Variants in ZBBX observed in about 807,000 individuals in gnomAD.
ZBBX encodes the protein zinc finger B-box domain containing.
Under a neutral mutation model 108.5 loss-of-function variants are expected in ZBBX, and 101 were observed. The ratio of observed to expected loss-of-function variants is 0.93; its 90% CI spans 0.79 to 1.10. ZBBX has a LOEUF of 1.10. Among genes scored for constraint, ZBBX ranks in the 50% least tolerant of loss-of-function variants. ZBBX has a pLI of 0.00. For synonymous variants in ZBBX, 356 were observed against 323.4 expected (o/e 1.10, Z -1.08); for missense variants, 1,009 against 941.4 (o/e 1.07, Z -0.94).
At chr3:167,338,541 C>CAAA (rs11438860) in intron 9 of ZBBX, among the ~76,000 whole-genome samples, 4 of 148,378 alleles carry the variant, frequency 2.7e-5, no homozygotes, top group African/African-American at 4.9e-5. Flanking sequence ...AGTTCCAGAT[C>CAAA]AAAAAAAAAA....
At chr3:167,293,780 T>C (rs910426759) in intron 18 of ZBBX, among the ~76,000 whole-genome samples, 13 of 152,072 alleles carry the variant, frequency 8.5e-5, no homozygotes, top group African/African-American at 2.7e-4. Context: ...ATGACATGAT[T>C]GTATATTTAG....
chr3:167,305,894 CAGA>C lies in ZBBX; in HGVS notation c.1471_1473del (p.Ser491del). On this transcript the variant is annotated inframe_deletion, in exon 17 of 22. Coordinates refer to ENST00000675490, the MANE Select transcript of ZBBX (RefSeq NM_001199201.2). The stretch of plus-strand genomic sequence containing the variant: ...GTGCTTTCCTCAATTTTTTCAATGT[CAGA>C]AGAATACACATCAGGATCCACGATG... The C allele has an allele frequency of 1.2e-6, 2 of 1,606,044 alleles. No individual in the cohort carries two copies. The highest frequency in any genetic ancestry group is 1.7e-6 in the Non-Finnish European group (2 of 1,177,058).
intron 17 of ZBBX, among the ~76,000 whole-genome samples, chr3:167,299,870 G>T (rs1460610248): frequency 6.6e-6 from 1 of 152,188 alleles, no homozygotes; most frequent in Non-Finnish European, 1.5e-5. Flanking sequence ...TTCAGAAGCA[G>T]GAACTCAGTC....
intron 17 of ZBBX, among the ~76,000 whole-genome samples, chr3:167,300,953 ACTTGTGCAGGT>A (rs1175621400): frequency 6.9e-6 from 1 of 145,328 alleles, no homozygotes; most frequent in Non-Finnish European, 1.5e-5. Context: ...GTTCAGGAGT[ACTTGTGCAGGT>A]CTGTTACATA....
chr3:167,401,424 A>T (rs369548243), intron 1 of ZBBX: 43 of 152,292 alleles, frequency 2.8e-4, no homozygotes, highest in African/African-American at 9.9e-4. Flanking sequence ...GTAAAGTGAA[A>T]GCAAGTTCAT....
chr3:167,276,091 A>G (rs1727524947), intron 20 of ZBBX, among the ~76,000 whole-genome samples: 1 of 152,188 alleles, frequency 6.6e-6, no homozygotes, highest in Non-Finnish European at 1.5e-5. Context: ...AGGAAAACTA[A>G]CAAACAGAAA....
intron 19 of ZBBX, among the ~76,000 whole-genome samples, chr3:167,285,730 C>G (rs1397462815): frequency 6.6e-6 from 1 of 152,092 alleles, no homozygotes; most frequent in East Asian, 1.9e-4. Context: ...CCCTCTAAAA[C>G]TGCCAGGCAC....
rs1553798091 is a variant in ZBBX at position 167,288,947 on chromosome 3, T to TC, written c.1915dup (p.Glu639GlyfsTer4). 1 of 1,543,836 alleles carries TC rather than the reference T, an allele frequency of 6.5e-7. No homozygotes were observed. Among genetic ancestry groups the TC allele is most frequent in the Non-Finnish European group, 8.8e-7 (1 of 1,142,584 alleles). ...CAAGACAATTGCATTATCAGCATAT[T>TC]CACTTAAGCTATGGTCTGGAATCCA... On this transcript the variant is annotated frameshift_variant, in exon 19 of 22. Coordinates refer to ENST00000675490, the MANE Select transcript of ZBBX (RefSeq NM_001199201.2). LOFTEE classifies it high-confidence loss of function.
chr3:167,231,839 G>A, the ZBBX span, among the ~76,000 whole-genome samples: 5 of 151,856 alleles, frequency 3.3e-5, no homozygotes, highest in South Asian at 1.0e-3. Flanking sequence ...ACTTTGTACA[G>A]TTGGAATTCC....
the ZBBX span, among the ~76,000 whole-genome samples, chr3:167,184,198 T>G: frequency 6.6e-6 from 1 of 151,944 alleles, no homozygotes; most frequent in Non-Finnish European, 1.5e-5. Context: ...AAAAAGAAAA[T>G]AAAATTTCAG....
chr3:167,179,454 C>T, the ZBBX span, among the ~76,000 whole-genome samples: 1 of 152,214 alleles, frequency 6.6e-6, no homozygotes, highest in African/African-American at 2.4e-5. Flanking sequence ...GTCAAAGGTC[C>T]TGGAAGAGGG....
At chr3:167,406,189 G>C (rs1033599446) in intron 1 of ZBBX, among the ~76,000 whole-genome samples, 1 of 152,128 alleles carries the variant, frequency 6.6e-6, no homozygotes, top group Admixed American at 6.5e-5. Flanking sequence ...TTTTTTATAA[G>C]CAGTACTGTC....
the ZBBX span, among the ~76,000 whole-genome samples, chr3:167,181,580 T>C: frequency 1.3e-5 from 2 of 152,208 alleles, no homozygotes; most frequent in South Asian, 2.1e-4. Context: ...TGTTTTTCAA[T>C]AATTTGATTC....
At chr3:167,207,303 A>C in the ZBBX span, among the ~76,000 whole-genome samples, 1 of 152,220 alleles carries the variant, frequency 6.6e-6, no homozygotes, top group Admixed American at 6.5e-5. Flanking sequence ...AAAATGGTTC[A>C]AGGTCCTGAA....
intron 20 of ZBBX, among the ~76,000 whole-genome samples, chr3:167,275,385 G>A (rs1405742119): frequency 2.0e-5 from 3 of 152,052 alleles, no homozygotes; most frequent in African/African-American, 4.8e-5. Context: ...ATCTCACTAG[G>A]GAGTGCCAGA....
At chr3:167,322,958 T>C (rs1423606284) in intron 11 of ZBBX, among the ~76,000 whole-genome samples, 3 of 152,040 alleles carry the variant, frequency 2.0e-5, no homozygotes, top group African/African-American at 2.4e-5. Context: ...AGCCTCATAT[T>C]GTAGACTTCA....
chr3:167,234,698 G>A, the ZBBX span, among the ~76,000 whole-genome samples: 1 of 151,744 alleles, frequency 6.6e-6, no homozygotes, highest in Non-Finnish European at 1.5e-5. Flanking sequence ...AAAGATAACA[G>A]TAGAGACTGT....
At chr3:167,223,724 ATTATT>A in the ZBBX span, among the ~76,000 whole-genome samples, 1 of 151,932 alleles carries the variant, frequency 6.6e-6, no homozygotes, top group East Asian at 1.9e-4. Context: ...CCTTAAAATC[ATTATT>A]TTATGTTTTT....
intron 20 of ZBBX, among the ~76,000 whole-genome samples, chr3:167,260,432 G>A (rs138127089): frequency 8.6e-4 from 131 of 152,224 alleles, no homozygotes; most frequent in Non-Finnish European, 7.5e-4. Flanking sequence ...CATTTTTCAA[G>A]CTCTTAGAAT....
Sources: allele counts gnomAD v4.1 joint callset (sites outside exome capture counted in the v4.1 genomes callset), GRCh38; gene constraint gnomAD v4.1.1; transcripts MANE v1.5; gene names NCBI Gene and HGNC (gene_info 2026-07-23, HGNC 2026-07-21).